The following SCHIP1 variants were observed in gnomAD, a reference collection of about 807,000 sequenced individuals.
SCHIP1 encodes the protein schwannomin-interacting protein 1.
A neutral mutation model predicts 29.7 loss-of-function variants in SCHIP1; 8 were observed. The observed-to-expected ratio is 0.27, with a 90% CI of 0.16 to 0.49. The LOEUF (loss-of-function observed/expected upper bound fraction) is 0.49, where lower values mean the gene tolerates loss of function less well. Among genes scored for constraint, SCHIP1 ranks in the 20% least tolerant of loss-of-function variants. The pLI is 0.99. For synonymous variants in SCHIP1, 76 were observed against 94.9 expected (o/e 0.80, Z 1.16); for missense variants, 193 against 294.6 (o/e 0.66, Z 2.52).
the SCHIP1 span, among the ~76,000 whole-genome samples, chr3:159,588,700 A>C: frequency 6.6e-6 from 1 of 152,198 alleles, no homozygotes. Flanking sequence ...CAGTTTTCCC[A>C]GCACCATTTG....
the SCHIP1 span, among the ~76,000 whole-genome samples, chr3:159,760,443 C>T: frequency 6.6e-6 from 1 of 152,216 alleles, no homozygotes; most frequent in Non-Finnish European, 1.5e-5. Context: ...ATGCAAACTA[C>T]TCAGGTTCAA....
the SCHIP1 span, among the ~76,000 whole-genome samples, chr3:159,330,591 T>A: frequency 1.3e-5 from 2 of 152,194 alleles, no homozygotes; most frequent in Non-Finnish European, 2.9e-5. Context: ...TTTAAGGTAA[T>A]CTTATATGAT....
the SCHIP1 span, among the ~76,000 whole-genome samples, chr3:159,805,818 T>C: frequency 6.6e-6 from 1 of 151,438 alleles, no homozygotes; most frequent in Non-Finnish European, 1.5e-5. Context: ...CTTTTTTTTT[T>C]TTTTTTTTGA....
Position 159,842,998 on chromosome 3 carries a change from TTTC to T in SCHIP1, c.30+2787_30+2789del, listed in dbSNP as rs1234414214. 1.5e-3 allele frequency among the ~76,000 whole-genome samples: 139 copies of T among 91,610 alleles called. 22 individuals carry two copies. Among genetic ancestry groups the T allele is most frequent in the South Asian group, 5.0e-3 (11 of 2,180 alleles). 60.1% of individuals were successfully genotyped at this position (91,610 alleles called of 152,430 possible). On this transcript the variant is annotated intron_variant, in intron 1 of 6. Coordinates refer to ENST00000445224, the Ensembl canonical transcript of SCHIP1. ...CTCTCCAGTTCTATCCCAATATTTCTTTCTTTTTTTTTTTTTTTTTTTTTTTTT... is the reference window on the plus strand; with the variant it reads ...CTCTCCAGTTCTATCCCAATATTTCTTTTTTTTTTTTTTTTTTTTTTTTTT...
the SCHIP1 span, among the ~76,000 whole-genome samples, chr3:159,441,268 T>G: frequency 6.6e-6 from 1 of 152,202 alleles, no homozygotes; most frequent in Non-Finnish European, 1.5e-5. Flanking sequence ...TGGATTGTTT[T>G]TATCAGGTTG....
At chr3:159,409,125 A>T in the SCHIP1 span, among the ~76,000 whole-genome samples, 2 of 152,212 alleles carry the variant, frequency 1.3e-5, no homozygotes, top group Admixed American at 1.3e-4. Context: ...CTCGGTATAG[A>T]GGTAACATAC....
At chr3:159,864,748 G>A (rs930515421) in intron 1 of SCHIP1, among the ~76,000 whole-genome samples, 16 of 152,172 alleles carry the variant, frequency 1.1e-4, no homozygotes, top group African/African-American at 3.9e-4. Context: ...AATGCAGCCT[G>A]TTGAAGCTGG....
the SCHIP1 span, among the ~76,000 whole-genome samples, chr3:159,303,449 A>AG: frequency 1.4e-5 from 1 of 73,416 alleles, no homozygotes; most frequent in Admixed American, 1.2e-4. Context: ...AGAGAGAGAG[A>AG]AAGAGAGAGA....
the SCHIP1 span, among the ~76,000 whole-genome samples, chr3:159,441,708 G>A: frequency 6.6e-6 from 1 of 152,114 alleles, no homozygotes; most frequent in Admixed American, 6.6e-5. Context: ...TAGGTGCTAC[G>A]TAGAACATTC....
At chr3:159,611,278 G>T in the SCHIP1 span, among the ~76,000 whole-genome samples, 1 of 152,120 alleles carries the variant, frequency 6.6e-6, no homozygotes, top group Non-Finnish European at 1.5e-5. Context: ...AGATGAGATA[G>T]TTGAGAAGTT....
the SCHIP1 span, among the ~76,000 whole-genome samples, chr3:159,829,317 G>T: frequency 6.6e-6 from 1 of 152,142 alleles, no homozygotes; most frequent in Non-Finnish European, 1.5e-5. Flanking sequence ...GAAACCCAGG[G>T]TTGCTGGAGA....
chr3:159,732,231 T>C, the SCHIP1 span, among the ~76,000 whole-genome samples: 2 of 152,256 alleles, frequency 1.3e-5, no homozygotes, highest in African/African-American at 4.8e-5. Context: ...GGCTGAAGCC[T>C]GGCAGGCAAT....
chr3:159,376,169 A>G, the SCHIP1 span, among the ~76,000 whole-genome samples: 18 of 152,294 alleles, frequency 1.2e-4, no homozygotes, highest in Non-Finnish European at 2.4e-4. Flanking sequence ...GGAGGATGCA[A>G]CCATTAGAAA....
chr3:159,359,340 A>T, the SCHIP1 span, among the ~76,000 whole-genome samples: 3 of 152,184 alleles, frequency 2.0e-5, no homozygotes, highest in African/African-American at 7.2e-5. Flanking sequence ...AGTGAGGATT[A>T]CTGACCCCTT....
the SCHIP1 span, among the ~76,000 whole-genome samples, chr3:159,409,151 G>T: frequency 6.6e-6 from 1 of 152,024 alleles, no homozygotes; most frequent in African/African-American, 2.4e-5. Context: ...CACAATAAAA[G>T]CCACATATGA....
At chr3:159,855,433 T>C (rs1713238333) in intron 1 of SCHIP1, among the ~76,000 whole-genome samples, 1 of 152,186 alleles carries the variant, frequency 6.6e-6, no homozygotes, top group Admixed American at 6.5e-5. Flanking sequence ...TCCTGTTTTG[T>C]TGGCTAAGTA....
Position 159,880,799 on chromosome 3 carries a change from T to C in SCHIP1, c.150-5408T>C, listed in dbSNP as rs1000305036. Among the ~76,000 whole-genome samples, 6 of 152,372 alleles carry C rather than the reference T, an allele frequency of 3.9e-5. No individual in the cohort carries two copies. In the East Asian group the frequency reaches 1.2e-3, roughly 29 times the overall value. On this transcript the variant is annotated intron_variant, in intron 2 of 6. Transcript: ENST00000445224. ...CTCTTTTTTCTCTACCTTATGTAGT[T>C]ATAAAAATCATTTATAGTCATTGTG...
At chr3:159,491,703 A>G in the SCHIP1 span, among the ~76,000 whole-genome samples, 1 of 152,188 alleles carries the variant, frequency 6.6e-6, no homozygotes, top group Non-Finnish European at 1.5e-5. Context: ...AAAGACAGCA[A>G]TAACCTCTGC....
the SCHIP1 span, among the ~76,000 whole-genome samples, chr3:159,643,290 G>C: frequency 6.6e-6 from 1 of 152,164 alleles, no homozygotes; most frequent in South Asian, 2.1e-4. Context: ...TGTTACTTTG[G>C]TGAATTTACC....
Sources: gnomAD v4.1 joint callset for allele counts (sites outside exome capture counted in the v4.1 genomes callset) on GRCh38, gnomAD v4.1.1 for gene constraint, MANE v1.5 for transcripts, NCBI Gene and HGNC (gene_info 2026-07-23, HGNC 2026-07-21) for gene names.